HLTF: variants seen among roughly 807,000 people sequenced by gnomAD.
The protein encoded by HLTF is helicase like transcription factor.
A neutral mutation model predicts 129.4 loss-of-function variants in HLTF; 127 were observed. The ratio of observed to expected loss-of-function variants is 0.98; its 90% CI spans 0.85 to 1.14. The LOEUF is 1.14. Among genes scored for constraint, HLTF ranks in the 50% most tolerant of loss-of-function variants. The pLI, the probability that HLTF is intolerant of heterozygous loss-of-function variation, is 0.00. For synonymous variants in HLTF, 332 were observed against 388.8 expected (o/e 0.85, Z 1.72); for missense variants, 1,139 against 1,187.1 (o/e 0.96, Z 0.60).
At chr3:149,070,400 A>G (rs1444212957) in intron 7 of HLTF, among the ~76,000 whole-genome samples, 3 of 152,222 alleles carry the variant, frequency 2.0e-5, no homozygotes, top group African/African-American at 7.2e-5. Flanking sequence ...TGCAACAAAA[A>G]TGTTAATGTT....
intron 14 of HLTF, among the ~76,000 whole-genome samples, chr3:149,053,077 T>A (rs1344468914): frequency 6.6e-6 from 1 of 152,212 alleles, no homozygotes; most frequent in African/African-American, 2.4e-5. Flanking sequence ...CTGGATTATT[T>A]GAAGACAAAA....
At chr3:149,052,538 A>G (rs1717083201) in intron 14 of HLTF, among the ~76,000 whole-genome samples, 1 of 152,220 alleles carries the variant, frequency 6.6e-6, no homozygotes. Flanking sequence ...TTCAAGGCAG[A>G]GGAAAAGGGG....
intron 14 of HLTF, among the ~76,000 whole-genome samples, chr3:149,053,036 T>C (rs1717126217): frequency 6.6e-6 from 1 of 152,284 alleles, no homozygotes; most frequent in Admixed American, 6.5e-5. Flanking sequence ...GTGGTAGAAG[T>C]AGGATTGGTA....
intron 13 of HLTF, among the ~76,000 whole-genome samples, chr3:149,058,092 CCT>C (rs1717624512): frequency 6.6e-6 from 1 of 152,022 alleles, no homozygotes; most frequent in Non-Finnish European, 1.5e-5. Context: ...AGAGCATCCC[CCT>C]ATTCCTTTAT....
Position 149,032,031 on chromosome 3 carries a change from G to A in HLTF, c.*189C>T. 2.5e-6 allele frequency: 1 copy of A among 406,270 alleles called. No individual in the cohort carries two copies. Among genetic ancestry groups the A allele is most frequent in the South Asian group, 6.7e-5 (1 of 14,854 alleles). The allele number at this position is 406,270 out of a possible 1,614,324, so 25.2% of individuals were successfully genotyped here. On this transcript the variant is annotated 3_prime_UTR_variant, in exon 25 of 25. Transcript: ENST00000310053. ...GCCACAGTATATAACGGAACTTATT[G>A]CTATTTGAAGTTTCATTAAAAATAG...
At chr3:149,062,729 G>C (rs1043218298) in intron 10 of HLTF, among the ~76,000 whole-genome samples, 1 of 152,090 alleles carries the variant, frequency 6.6e-6, no homozygotes, top group African/African-American at 2.4e-5. Context: ...AAACGATCAA[G>C]AATGCTTTTG....
intron 2 of HLTF, among the ~76,000 whole-genome samples, chr3:149,076,788 A>G (rs1307149333): frequency 6.6e-6 from 1 of 152,220 alleles, no homozygotes; most frequent in Non-Finnish European, 1.5e-5. Flanking sequence ...AAATTCCTCA[A>G]TAAAGGCAAC....
intron 2 of HLTF, among the ~76,000 whole-genome samples, chr3:149,076,665 T>C (rs949257684): frequency 2.9e-4 from 44 of 152,324 alleles, no homozygotes; most frequent in Middle Eastern, 6.8e-3. Context: ...ACTCATGCCA[T>C]TCTGATTCTA....
intron 7 of HLTF, among the ~76,000 whole-genome samples, chr3:149,070,215 C>T (rs1400560857): frequency 6.6e-6 from 1 of 152,152 alleles, no homozygotes; most frequent in Non-Finnish European, 1.5e-5. Context: ...ATCTAAAAAG[C>T]TATTACAATA....
chr3:149,051,516 G>A (rs910961201), intron 14 of HLTF, among the ~76,000 whole-genome samples: 2 of 152,180 alleles, frequency 1.3e-5, no homozygotes, highest in African/African-American at 4.8e-5. Context: ...GGTATGTAAG[G>A]AGAAGACTTG....
At chr3:149,084,979 A>C in intron 1 of HLTF, 90 bp from the exon 2 acceptor site, 1 of 866,088 alleles carries the variant, frequency 1.2e-6, no homozygotes, top group Non-Finnish European at 1.8e-6. Context: ...TTACTTCAGC[A>C]AATGAAATCT....
intron 18 of HLTF, among the ~76,000 whole-genome samples, chr3:149,045,562 C>T (rs1716478407): frequency 6.6e-6 from 1 of 152,122 alleles, no homozygotes; most frequent in African/African-American, 2.4e-5. Flanking sequence ...CAATCTTTCC[C>T]ACTCTCTCTA....
rs953243343 is a variant in HLTF, at chr3:149,086,438, G to A, written c.-102C>T. On this transcript the variant is annotated 5_prime_UTR_variant, in exon 1 of 25. Transcript: ENST00000310053. ...CAGGCCCCGCAGCCCTGAAGCCGGG[G>A]ACAAATTCCGAGCGCCGGATCAGGA... is the stretch of plus-strand genomic sequence containing the variant. 11 of 1,379,944 alleles carry A rather than the reference G, an allele frequency of 8.0e-6. No homozygotes were observed. In the African/African-American group the frequency reaches 1.6e-4, roughly 20 times the overall value. The allele number at this position is 1,379,944 out of a possible 1,614,324, so 85.5% of individuals were successfully genotyped here.
intron 4 of HLTF, among the ~76,000 whole-genome samples, chr3:149,073,805 T>C (rs1323500532): frequency 6.6e-6 from 1 of 152,198 alleles, no homozygotes; most frequent in East Asian, 1.9e-4. Context: ...AAAAAACAAG[T>C]AATTCCACAT....
Position 149,039,066 on chromosome 3 carries a change from C to A in HLTF, c.2779G>T (p.Val927Leu), listed in dbSNP as rs775165370. ...CTACTTACTGGATCCATTAAAAACA[C>A]TCGAGAAGCTGCAGACAGATTCAAA... is the stretch of plus-strand genomic sequence containing the variant. ...VGLNLSAASR[V>L]FLMDPAWNPA... The change falls in exon 23 of 25, where the codon GTG (valine) becomes TTG (leucine). Residue 927 changes from valine (V) to leucine (L), a missense_variant. By Grantham distance (32) the Val-to-Leu change is conservative (BLOSUM62 1). Coordinates refer to ENST00000310053, the MANE Select transcript of HLTF (RefSeq NM_003071.4). 5 of 1,581,660 alleles carry A rather than the reference C, an allele frequency of 3.2e-6. No individual in the cohort carries two copies. The African/African-American group carries it at 6.9e-5, about 22-fold the overall frequency.
chr3:149,054,330 T>C (rs1717245695), intron 14 of HLTF, among the ~76,000 whole-genome samples: 1 of 151,916 alleles, frequency 6.6e-6, no homozygotes, highest in Non-Finnish European at 1.5e-5. Flanking sequence ...TGAAAAAACC[T>C]GAGTATGTAT....
At chr3:149,078,260 A>T (rs527811545) in intron 2 of HLTF, among the ~76,000 whole-genome samples, 4 of 152,330 alleles carry the variant, frequency 2.6e-5, no homozygotes, top group Non-Finnish European at 5.9e-5. Flanking sequence ...AATATGTTCA[A>T]AGGGGCTGGG....
Position 149,068,252 on chromosome 3 carries a change from A to G in HLTF, c.978T>C (p.Asn326=), listed in dbSNP as rs550942580. Residue 326 remains asparagine, a synonymous_variant, in exon 8 of 25, where the codon AAT becomes AAC. Transcript: ENST00000310053. ...ACTACTACTTTACCTTCTTCAGTAG[A>G]TTCTTTTTAACTCTTTCAATAGGAA... ...RPLPIERVKK[N]LLKKEYNVND... The G allele has an allele frequency of 4.8e-5, 73 of 1,506,580 alleles. No homozygotes were observed. The highest frequency in any genetic ancestry group is 6.1e-5 in the Non-Finnish European group (67 of 1,090,598). The allele number at this position is 1,506,580 out of a possible 1,614,324, so 93.3% of individuals were successfully genotyped here.
In HLTF at chr3:149,086,320, T is replaced by C. The variant is rs748957525; in HGVS notation, c.17A>G (p.Lys6Arg). 3 of 1,602,776 alleles carry C rather than the reference T, an allele frequency of 1.9e-6. No homozygotes were observed. The highest frequency in any genetic ancestry group is 2.2e-5 in the East Asian group (1 of 44,470). Residue 6 changes from lysine to arginine, a missense_variant, in exon 1 of 25, where the codon AAG becomes AGG. Transcript: ENST00000310053. ...CCACCCCCTCCGCCCCCTTCACCTC[T>C]TGAACATCCAGGACATGGCGCTGAG... The part of the protein sequence containing the change: MSWMF[K>R]RDPVWKYLQT...
Sources: gnomAD v4.1 joint callset for allele counts (sites outside exome capture counted in the v4.1 genomes callset) on GRCh38, gnomAD v4.1.1 for gene constraint, MANE v1.5 for transcripts, NCBI Gene and HGNC (gene_info 2026-07-23, HGNC 2026-07-21) for gene names.